Variants in KLHDC1 observed in about 807,000 individuals in gnomAD.
The protein encoded by KLHDC1 is kelch domain containing 1.
Under a neutral mutation model 68.3 loss-of-function variants are expected in KLHDC1, and 53 were observed. That is an observed-to-expected ratio of 0.78 (90% confidence interval 0.62 to 0.98). The LOEUF (loss-of-function observed/expected upper bound fraction) is 0.98, where lower values mean the gene tolerates loss of function less well. Ranked by LOEUF, KLHDC1 falls within the 50% of genes least tolerant of loss-of-function variation. The pLI, the probability that KLHDC1 is intolerant of heterozygous loss-of-function variation, is 0.00. For synonymous variants in KLHDC1, 148 were observed against 159.0 expected, an observed-to-expected ratio of 0.93 and a Z score of 0.52; for missense variants, 470 against 492.3, an observed-to-expected ratio of 0.95 and a Z score of 0.43.
intron 10 of KLHDC1, among the ~76,000 whole-genome samples, chr14:49,738,172 C>T (rs1056512333): frequency 2.0e-5 from 3 of 151,306 alleles, no homozygotes; most frequent in Non-Finnish European, 2.9e-5. Context: ...GGACTACAGG[C>T]GAAAATTATT....
chr14:49,725,656 T>C, intron 5 of KLHDC1, 30 bp from the exon 6 acceptor site: 1 of 910,866 alleles, frequency 1.1e-6, no homozygotes. Context: ...TTATTAAAGC[T>C]TTGAGATATT....
chr14:49,705,135 A>G (rs1050978919), intron 1 of KLHDC1, among the ~76,000 whole-genome samples: 40 of 152,200 alleles, frequency 2.6e-4, no homozygotes, highest in African/African-American at 8.4e-4. Flanking sequence ...AAAGAGTACT[A>G]TAAGAGAGAA....
rs186050972 is a variant in KLHDC1 at position 49,750,750 on chromosome 14, A to G, written c.1035-836A>G. The stretch of plus-strand genomic sequence containing the variant: ...AGTACAAAATGCTCTTCAAAATAGC[A>G]TAAGATTAAAAAGGGCATTGTACTT... On this transcript the variant is annotated intron_variant, in intron 12 of 12. Coordinates refer to ENST00000359332, the MANE Select transcript of KLHDC1 (RefSeq NM_172193.3). Among the ~76,000 whole-genome samples, 452 of 152,346 alleles carry G rather than the reference A, an allele frequency of 3.0e-3. 3 individuals carry two copies. The highest frequency in any genetic ancestry group is 0.011 in the African/African-American group (438 of 41,584).
At chr14:49,748,178 A>T (rs1220439102) in intron 12 of KLHDC1, among the ~76,000 whole-genome samples, 1 of 152,240 alleles carries the variant, frequency 6.6e-6, no homozygotes, top group Non-Finnish European at 1.5e-5. Context: ...TGCTAAAATC[A>T]GTCAAGGAAA....
chr14:49,742,613 C>T (rs1389495486), intron 11 of KLHDC1, among the ~76,000 whole-genome samples: 2 of 146,876 alleles, frequency 1.4e-5, no homozygotes, highest in African/African-American at 2.5e-5. Context: ...GCAGAGGTTG[C>T]GGTGAGCCGA....
At chr14:49,733,848 G>C (rs900561240) in intron 9 of KLHDC1, among the ~76,000 whole-genome samples, 2 of 152,136 alleles carry the variant, frequency 1.3e-5, no homozygotes, top group Admixed American at 1.3e-4. Flanking sequence ...TTCAACAAAA[G>C]TTTATTGAGC....
intron 1 of KLHDC1, among the ~76,000 whole-genome samples, chr14:49,693,683 G>T (rs1324040367): frequency 1.3e-5 from 2 of 151,276 alleles, no homozygotes; most frequent in African/African-American, 4.9e-5. Flanking sequence ...TTATTCCCAC[G>T]GCGCGATTCG....
chr14:49,712,588 G>T (rs960346364), intron 4 of KLHDC1, among the ~76,000 whole-genome samples: 3 of 150,838 alleles, frequency 2.0e-5, no homozygotes, highest in Admixed American at 6.7e-5. Flanking sequence ...TGCAACCTCA[G>T]CCTTCTGGGT....
At position 49,751,768 on chromosome 14, in the gene KLHDC1, A is replaced by T. The variant is rs755293371; in HGVS notation, c.1217A>T (p.Asn406Ile). 1.3e-6 allele frequency: 2 copies of T among 1,531,216 alleles called. No individual in the cohort carries two copies. Among genetic ancestry groups the T allele is most frequent in the African/African-American group, 2.8e-5 (2 of 72,424 alleles). The allele number at this position is 1,531,216 out of a possible 1,614,324, so 94.9% of individuals were successfully genotyped here. A position where few individuals can be genotyped will look rare whatever the true frequency, so the allele number is the denominator to read the frequency against. ...AATAAATATCAGTGGATCAGTAGCA[A>T]TTAAATTGTTATATACTTTACATAT... is the stretch of plus-strand genomic sequence containing the variant. Reference protein sequence around the residue: ...TENKYQWISSN With the variant: ...TENKYQWISSI Residue 406 changes from asparagine (N) to isoleucine (I), a missense_variant, in exon 13 of 13, where the codon AAT (asparagine) becomes ATT (isoleucine). By Grantham distance (149) the Asn-to-Ile change is moderately radical. Transcript: ENST00000359332.
At chr14:49,733,922 G>T (rs1888874489) in intron 9 of KLHDC1, among the ~76,000 whole-genome samples, 1 of 152,172 alleles carries the variant, frequency 6.6e-6, no homozygotes, top group Admixed American at 6.5e-5. Flanking sequence ...ACAGTTCCTA[G>T]TAGGAGATGT....
intron 6 of KLHDC1, among the ~76,000 whole-genome samples, chr14:49,728,582 CAG>C (rs150951699): frequency 0.017 from 2,566 of 152,146 alleles, 70 homozygotes; most frequent in African/African-American, 0.058. Flanking sequence ...GAAAGAGAAA[CAG>C]AGGAGAGAGG....
chr14:49,729,249 G>T (rs1215471223), intron 7 of KLHDC1, among the ~76,000 whole-genome samples: 1 of 152,044 alleles, frequency 6.6e-6, no homozygotes, highest in Non-Finnish European at 1.5e-5. Flanking sequence ...TTAATTTCTT[G>T]TCATCTAAAG....
intron 12 of KLHDC1, among the ~76,000 whole-genome samples, chr14:49,745,932 G>A (rs1020552198): frequency 1.3e-5 from 2 of 152,144 alleles, no homozygotes; most frequent in Non-Finnish European, 2.9e-5. Context: ...AATTCCTCTG[G>A]CAACAGAGTG....
intron 10 of KLHDC1, among the ~76,000 whole-genome samples, chr14:49,735,926 G>A (rs1888921053): frequency 6.6e-6 from 1 of 152,010 alleles, no homozygotes; most frequent in Non-Finnish European, 1.5e-5. Context: ...GAGGTGGGAG[G>A]ATCACTTGAT....
At position 49,751,934 on chromosome 14, in the gene KLHDC1, T is replaced by C. The variant is rs1889329745; in HGVS notation, c.*162T>C. 2.6e-6 allele frequency: 1 copy of C among 379,390 alleles called. No individual in the cohort carries two copies. The highest frequency in any genetic ancestry group is 4.6e-5 in the Admixed American group (1 of 21,972). 23.5% of individuals were successfully genotyped at this position (379,390 alleles called of 1,614,324 possible). ...TGCCATGGGATATATGGAAAAAAGA[T>C]ATTAATGCAGATTAATTTATATTTG... On this transcript the variant is annotated 3_prime_UTR_variant, in exon 13 of 13. Transcript: ENST00000359332.
chr14:49,713,831 TATATATA>T (rs1310456583), intron 4 of KLHDC1, among the ~76,000 whole-genome samples: 1,621 of 13,722 alleles, frequency 0.12, 417 homozygotes, highest in Non-Finnish European at 0.15. Flanking sequence ...TATATATATA[TATATATA>T]TATATATATA....
At chr14:49,722,323 T>A (rs1888548855) in intron 4 of KLHDC1, among the ~76,000 whole-genome samples, 2 of 152,144 alleles carry the variant, frequency 1.3e-5, no homozygotes, top group African/African-American at 2.4e-5. Flanking sequence ...TGTCCAAGTG[T>A]TCTCATTGTT....
At chr14:49,697,469 A>G (rs1298680871) in intron 1 of KLHDC1, among the ~76,000 whole-genome samples, 2 of 152,262 alleles carry the variant, frequency 1.3e-5, no homozygotes, top group African/African-American at 4.8e-5. Context: ...AAAGTTTGAA[A>G]TACTGTGAGA....
At chr14:49,742,760 T>C (rs998850211) in intron 11 of KLHDC1, among the ~76,000 whole-genome samples, 1 of 149,910 alleles carries the variant, frequency 6.7e-6, no homozygotes, top group Non-Finnish European at 1.5e-5. Flanking sequence ...TTTTTACATA[T>C]GAGTTATTTG....
Sources: allele counts gnomAD v4.1 joint callset (sites outside exome capture counted in the v4.1 genomes callset), GRCh38; gene constraint gnomAD v4.1.1; transcripts MANE v1.5; gene names NCBI Gene and HGNC (gene_info 2026-07-23, HGNC 2026-07-21).